Variants in CHSY3 observed in about 807,000 individuals in gnomAD.
CHSY3 encodes chondroitin sulfate synthase 3, also known as N-acetylgalactosaminyl-proteoglycan 3-beta-glucuronosyltransferase 3.
In CHSY3, 35 loss-of-function variants were observed where a neutral mutation model predicts 67.2. The ratio of observed to expected loss-of-function variants is 0.52; its 90% confidence interval spans 0.40 to 0.69. The LOEUF is 0.69. CHSY3 is among the 30% of genes least tolerant of loss of function. The pLI, the probability that CHSY3 is intolerant of heterozygous loss-of-function variation, is 0.00. For missense variants in CHSY3, 1,069 were observed against 1,138.5 expected (o/e 0.94, Z 0.88); for synonymous variants, 474 against 434.7 (o/e 1.09, Z -1.12).
chr5:130,146,112 G>T (rs1372799703), intron 2 of CHSY3, among the ~76,000 whole-genome samples: 1 of 151,988 alleles, frequency 6.6e-6, no homozygotes, highest in East Asian at 1.9e-4. Flanking sequence ...TATATCCAAA[G>T]GAAATATAAT....
intron 2 of CHSY3, among the ~76,000 whole-genome samples, chr5:129,925,109 A>G (rs1177533053): frequency 6.6e-6 from 1 of 152,216 alleles, no homozygotes; most frequent in East Asian, 1.9e-4. Flanking sequence ...TGCAGGAAAG[A>G]TTAAATGCGG....
intron 2 of CHSY3, among the ~76,000 whole-genome samples, chr5:129,967,668 T>A (rs1487450889): frequency 6.6e-6 from 1 of 151,772 alleles, no homozygotes; most frequent in Non-Finnish European, 1.5e-5. Context: ...AATTGGCATG[T>A]GATTTGGGAG....
chr5:129,998,300 C>T (rs914630110), intron 2 of CHSY3, among the ~76,000 whole-genome samples: 2 of 152,128 alleles, frequency 1.3e-5, no homozygotes, highest in African/African-American at 2.4e-5. Flanking sequence ...GATCCTTGTT[C>T]ATTAGTATAT....
chr5:129,916,888 T>C (rs565117431), intron 2 of CHSY3, among the ~76,000 whole-genome samples: 22 of 152,300 alleles, frequency 1.4e-4, no homozygotes, highest in African/African-American at 5.1e-4. Flanking sequence ...ATTGTTTTTT[T>C]TTCATTGTAG....
chr5:130,098,600 A>G (rs1384193609), intron 2 of CHSY3, among the ~76,000 whole-genome samples: 24 of 152,240 alleles, frequency 1.6e-4, no homozygotes. Flanking sequence ...GGGATGAACT[A>G]CATGAGATGA....
intron 2 of CHSY3, among the ~76,000 whole-genome samples, chr5:129,934,481 T>G (rs1761425188): frequency 1.3e-5 from 2 of 152,152 alleles, no homozygotes; most frequent in African/African-American, 4.8e-5. Context: ...TCATTTGAAT[T>G]TAATGCAGTT....
chr5:130,065,759 T>G (rs1352879209), intron 2 of CHSY3, among the ~76,000 whole-genome samples: 1 of 152,132 alleles, frequency 6.6e-6, no homozygotes, highest in Non-Finnish European at 1.5e-5. Context: ...GCTCCTAAAT[T>G]TATTGTCTGA....
At chr5:129,933,192 A>G (rs1761374079) in intron 2 of CHSY3, among the ~76,000 whole-genome samples, 1 of 152,154 alleles carries the variant, frequency 6.6e-6, no homozygotes, top group Admixed American at 6.6e-5. Flanking sequence ...CTGAATGCAG[A>G]CTCAGAAGTG....
chr5:129,942,968 G>T (rs918401671), intron 2 of CHSY3, among the ~76,000 whole-genome samples: 2 of 152,028 alleles, frequency 1.3e-5, no homozygotes, highest in South Asian at 4.1e-4. Context: ...ATTTGCATTC[G>T]TATGGGTCTG....
intron 2 of CHSY3, among the ~76,000 whole-genome samples, chr5:130,128,589 A>G (rs1441340404): frequency 6.6e-6 from 1 of 152,126 alleles, no homozygotes; most frequent in Admixed American, 6.6e-5. Flanking sequence ...TCCTTTATGC[A>G]GCTTAGTGCC....
chr5:129,974,010 C>A (rs1762720490), intron 2 of CHSY3, among the ~76,000 whole-genome samples: 1 of 152,070 alleles, frequency 6.6e-6, no homozygotes, highest in South Asian at 2.1e-4. Flanking sequence ...TCTCTTGTCT[C>A]CCCTGCATTC....
At position 130,007,777 on chromosome 5, in the gene CHSY3, T is replaced by C. The variant is rs1763917993; in HGVS notation, c.1086+99417T>C. On this transcript the variant is annotated intron_variant, in intron 2 of 2. Transcript: ENST00000305031. Reference sequence around the variant, plus strand: ...TCCTCTGGGTGGCTTTGGTCTTTGTTGACTGTTGGTTCTGTTCAGAACAGG... The same window carrying C: ...TCCTCTGGGTGGCTTTGGTCTTTGTCGACTGTTGGTTCTGTTCAGAACAGG... Among the ~76,000 whole-genome samples the C allele has an allele frequency of 2.0e-5, 3 of 152,224 alleles. 1 individual carries two copies. Among genetic ancestry groups the C allele is most frequent in the Non-Finnish European group, 4.4e-5 (3 of 68,014 alleles).
rs112623718 is a variant in CHSY3 at position 130,185,538 on chromosome 5, C to T, written c.2396C>T (p.Ser799Leu). 2.6e-5 allele frequency: 42 copies of T among 1,614,118 alleles called. 1 individual carries two copies. In the African/African-American group the frequency reaches 3.1e-4, roughly 12 times the overall value. The change falls in exon 3 of 3, where the codon TCA (serine) becomes TTA (leucine). Residue 799 changes from serine (S) to leucine (L), a missense_variant. Coordinates refer to ENST00000305031, the MANE Select transcript of CHSY3 (RefSeq NM_175856.5). ...DLLGAGGFDT[S>L]IQGWGLEDVD... ...CTAGGTGCAGGTGGATTTGATACCT[C>T]AATACAAGGCTGGGGACTAGAAGAT...
intron 2 of CHSY3, among the ~76,000 whole-genome samples, chr5:130,174,273 T>C (rs1012810703): frequency 2.0e-5 from 3 of 151,924 alleles, no homozygotes; most frequent in Admixed American, 6.6e-5. Flanking sequence ...AACAGATTTT[T>C]CCAAGTTAGA....
intron 2 of CHSY3, among the ~76,000 whole-genome samples, chr5:130,143,898 A>G (rs575532771): frequency 7.1e-6 from 1 of 141,774 alleles, no homozygotes; most frequent in African/African-American, 2.6e-5. Context: ...AAGTAGTTGA[A>G]TCAATTGTAT....
At chr5:130,145,476 A>G (rs1299488571) in intron 2 of CHSY3, among the ~76,000 whole-genome samples, 1 of 152,212 alleles carries the variant, frequency 6.6e-6, no homozygotes, top group African/African-American at 2.4e-5. Flanking sequence ...AATATTAAAG[A>G]CTTAAATGTA....
intron 2 of CHSY3, among the ~76,000 whole-genome samples, chr5:130,053,052 G>A (rs1180275046): frequency 6.6e-6 from 1 of 152,096 alleles, no homozygotes; most frequent in Non-Finnish European, 1.5e-5. Flanking sequence ...GATATTATAA[G>A]TTCAGAGGAA....
At position 129,941,992 on chromosome 5, in the gene CHSY3, C is replaced by T. The variant is rs141114406; in HGVS notation, c.1086+33632C>T. 5.3e-5 allele frequency among the ~76,000 whole-genome samples: 8 copies of T among 152,214 alleles called. No individual in the cohort carries two copies. The East Asian group carries it at 7.7e-4, about 15-fold the overall frequency. On this transcript the variant is annotated intron_variant, in intron 2 of 2. Coordinates refer to ENST00000305031, the MANE Select transcript of CHSY3 (RefSeq NM_175856.5). ...TGCAAAGGATACAGATAAAGAGATG[C>T]GTAGGACAAGGCATAAGAAACTTCT... is the stretch of plus-strand genomic sequence containing the variant.
In CHSY3 at chr5:129,905,366, C is replaced by G. The variant is rs924878022; in HGVS notation, c.537C>G (p.Thr179=). 1.5e-5 allele frequency: 23 copies of G among 1,582,116 alleles called. No individual in the cohort carries two copies. The highest frequency in any genetic ancestry group is 1.7e-4 in the Middle Eastern group (1 of 5,882). ...ACTTCCTGTACGTGGGGGTGATGAC[C>G]GCGCAGAAGTACCTGGGCAGCCGCG... ...PRDFLYVGVM[T]AQKYLGSRAL... Residue 179 remains threonine, a synonymous_variant, in exon 1 of 3, where the codon ACC becomes ACG. Transcript: ENST00000305031.
Sources: gnomAD v4.1 joint callset for allele counts (sites outside exome capture counted in the v4.1 genomes callset) on GRCh38, gnomAD v4.1.1 for gene constraint, MANE v1.5 for transcripts, NCBI Gene and HGNC (gene_info 2026-07-23, HGNC 2026-07-21) for gene names.